The following PTGFRN variants were observed in gnomAD, a reference collection of about 807,000 sequenced individuals.
The protein encoded by PTGFRN is prostaglandin F2 receptor inhibitor.
PTGFRN carries 35 observed loss-of-function variants against 83.2 expected under a neutral mutation model. That is an observed-to-expected ratio of 0.42 (90% CI 0.32 to 0.56). The LOEUF is 0.56. Among genes scored for constraint, PTGFRN ranks in the 20% least tolerant of loss-of-function variants. The probability of loss-of-function intolerance (pLI) is 0.11; values close to 1 mark genes in which losing one functional copy is unlikely to be tolerated. For missense variants in PTGFRN, 1,051 were observed against 1,179.5 expected (o/e 0.89, Z 1.60); for synonymous variants, 519 against 498.6 (o/e 1.04, Z -0.55).
Position 116,961,338 on chromosome 1 carries a change from G to A in PTGFRN, c.1309G>A (p.Gly437Arg), listed in dbSNP as rs759528919. ...LACRVVDTKS[G>R]EANVRFTVSW... ...ATGCCGGGTGGTGGACACGAAGAGT[G>A]GGGAGGCGAATGTCCGATTCACGGT... Residue 437 changes from glycine (G) to arginine (R), a missense_variant, in exon 5 of 9, where the codon GGG becomes AGG. Physicochemically the swap from Gly to Arg is moderately radical, Grantham distance 125. Around this residue, in one of 3 missense-constraint regions of PTGFRN, gnomAD observed 719 missense variants for 836.6 expected, o/e 0.86. Transcript: ENST00000393203. This position sits in a 1 kb window ranked among gnomAD's most constrained non-coding sequence, Gnocchi z 5.4. 6.3e-7 allele frequency: 1 copy of A among 1,580,730 alleles called. No homozygotes were observed. The highest frequency in any genetic ancestry group is 2.2e-5 in the East Asian group (1 of 44,552).
intron 6 of PTGFRN, 71 bp downstream of exon 6, chr1:116,967,401 AT>A: frequency 6.9e-7 from 1 of 1,456,160 alleles, no homozygotes; most frequent in Non-Finnish European, 9.3e-7. Flanking sequence ...AGATGCCCTC[AT>A]TTTTTAAAAC....
chr1:116,980,646 A>G (rs1048938717), intron 7 of PTGFRN, among the ~76,000 whole-genome samples: 1 of 152,222 alleles, frequency 6.6e-6, no homozygotes, highest in Non-Finnish European at 1.5e-5. Flanking sequence ...ATAGGTGGGA[A>G]TTGAACAATG....
chr1:116,975,123 A>G (rs2101085924), intron 7 of PTGFRN, among the ~76,000 whole-genome samples: 1 of 152,324 alleles, frequency 6.6e-6, no homozygotes, highest in Non-Finnish European at 1.5e-5. Flanking sequence ...AGCCTCGCTC[A>G]TTGCTAGCAC....
chr1:116,976,294 ACT>A (rs1479253830), intron 7 of PTGFRN, among the ~76,000 whole-genome samples: 3 of 152,178 alleles, frequency 2.0e-5, no homozygotes, highest in South Asian at 4.1e-4. Flanking sequence ...GTTGGAAAAC[ACT>A]CTGCAGGATA....
chr1:116,985,234 G>A (rs2101093545), intron 8 of PTGFRN, among the ~76,000 whole-genome samples: 1 of 152,274 alleles, frequency 6.6e-6, no homozygotes, highest in South Asian at 2.1e-4. Context: ...AAATTTTCAA[G>A]GCTTTGCCTC....
chr1:116,979,542 A>C (rs1413805463), intron 7 of PTGFRN, among the ~76,000 whole-genome samples: 2 of 152,196 alleles, frequency 1.3e-5, no homozygotes, highest in Admixed American at 1.3e-4. Context: ...AATGGAAAAG[A>C]ACAGAGCCCT....
intron 1 of PTGFRN, among the ~76,000 whole-genome samples, chr1:116,926,050 C>T (rs1232777311): frequency 6.7e-6 from 1 of 148,328 alleles, no homozygotes; most frequent in African/African-American, 2.6e-5. Context: ...ACTGTGTCTA[C>T]AAATGAGAAG....
chr1:116,945,063 A>G lies in PTGFRN; in HGVS notation c.803A>G (p.Glu268Gly), dbSNP rs1451062671. 1 of 1,613,414 alleles carries G rather than the reference A, an allele frequency of 6.2e-7. No individual in the cohort carries two copies. Among genetic ancestry groups the G allele is most frequent in the African/African-American group, 1.3e-5 (1 of 75,050 alleles). ...NWQEIQEKAVEVATVVIQPSV... is the reference protein window; with the variant it reads ...NWQEIQEKAVGVATVVIQPSV... ...CAGGAAATCCAAGAAAAGGCCGTGG[A>G]AGTTGCCACCGTGGTGATCCAGCCA... Residue 268 changes from glutamate (E) to glycine (G), a missense_variant, in exon 3 of 9, where the codon GAA becomes GGA. By Grantham distance (98) the Glu-to-Gly change is moderately conservative. Coordinates refer to ENST00000393203, the MANE Select transcript of PTGFRN (RefSeq NM_020440.4).
intron 1 of PTGFRN, among the ~76,000 whole-genome samples, chr1:116,921,093 T>C (rs2250715): frequency 0.21 from 31,944 of 152,206 alleles, 7,674 homozygotes; most frequent in African/African-American, 0.59. Flanking sequence ...AGAAAGTCTA[T>C]GTGTTATAGA....
rs1307125384 is a variant in PTGFRN at position 116,942,031 on chromosome 1, C to G, written c.366C>G (p.Pro122=). The change falls in exon 2 of 9, where the codon CCC becomes CCG. Residue 122 remains proline, a synonymous_variant. Transcript: ENST00000393203. ...AAGGCCACTACAAATGTTCAACCCCCAGCACAGATGCCACTGTCCAGGGAA... is the reference window on the plus strand; with the variant it reads ...AAGGCCACTACAAATGTTCAACCCCGAGCACAGATGCCACTGTCCAGGGAA... ...SDQGHYKCST[P]STDATVQGNY... is the part of the protein sequence containing the mutation. 8 of 1,614,198 alleles carry G rather than the reference C, an allele frequency of 5.0e-6. No homozygotes were observed. Among genetic ancestry groups the G allele is most frequent in the Non-Finnish European group, 6.8e-6 (8 of 1,180,030 alleles).
chr1:116,961,697 T>C lies in PTGFRN; in HGVS notation c.1639+29T>C. On this transcript the variant is annotated intron_variant, in intron 5 of 8. Transcript: ENST00000393203. The surrounding 1 kb of genome is among the most constrained non-coding windows in gnomAD (Gnocchi z 5.4). ...GGAACTTTTTTCTTGTTATTCATTT[T>C]TGTTTTGTCTTTGCTTAAGTCGTGC... 1 of 1,580,456 alleles carries C rather than the reference T, an allele frequency of 6.3e-7. No homozygotes were observed. The highest frequency in any genetic ancestry group is 8.6e-7 in the Non-Finnish European group (1 of 1,163,128).
At chr1:116,968,752 C>T (rs939340564) in intron 6 of PTGFRN, among the ~76,000 whole-genome samples, 5 of 152,146 alleles carry the variant, frequency 3.3e-5, no homozygotes, top group Non-Finnish European at 7.4e-5. Context: ...TACTTTCTGT[C>T]TCTATAGATT....
intron 1 of PTGFRN, among the ~76,000 whole-genome samples, chr1:116,926,140 A>G (rs1471956403): frequency 1.3e-5 from 2 of 152,216 alleles, no homozygotes; most frequent in Non-Finnish European, 2.9e-5. Context: ...GAACAGTCAA[A>G]TAACGGGAGA....
At chr1:116,971,719 T>C (rs1041549666) in intron 6 of PTGFRN, among the ~76,000 whole-genome samples, 1 of 152,220 alleles carries the variant, frequency 6.6e-6, no homozygotes, top group Non-Finnish European at 1.5e-5. Context: ...ACAAATGCTC[T>C]GTTGATTCCC....
intron 4 of PTGFRN, among the ~76,000 whole-genome samples, chr1:116,957,151 CTGTGTGTGTGTG>C (rs57827917): frequency 6.8e-6 from 1 of 146,828 alleles, no homozygotes; most frequent in Non-Finnish European, 1.5e-5. Context: ...CGCTGGCTCG[CTGTGTGTGTGTG>C]TGTGTGTGTG....
At chr1:116,947,851 C>T (rs145142994) in intron 3 of PTGFRN, among the ~76,000 whole-genome samples, 23 of 152,196 alleles carry the variant, frequency 1.5e-4, no homozygotes, top group African/African-American at 4.1e-4. Flanking sequence ...AAGAGATGAT[C>T]GAGAGAAAGA....
chr1:116,926,435 TG>T (rs1184457692), intron 1 of PTGFRN, among the ~76,000 whole-genome samples: 3 of 152,222 alleles, frequency 2.0e-5, no homozygotes, highest in African/African-American at 7.2e-5. Flanking sequence ...ATAAACCTTG[TG>T]GATAGATCTT....
chr1:116,911,233 G>C (rs551117445), intron 1 of PTGFRN, among the ~76,000 whole-genome samples: 24 of 152,322 alleles, frequency 1.6e-4, no homozygotes, highest in African/African-American at 5.5e-4. Flanking sequence ...AGGACAAGAT[G>C]ATTCCTGTGA....
intron 4 of PTGFRN, among the ~76,000 whole-genome samples, chr1:116,951,136 T>C (rs1650336414): frequency 6.6e-6 from 1 of 152,078 alleles, no homozygotes. Context: ...TAATTGAAAG[T>C]GCTGCTTGCA....
Sources: allele counts gnomAD v4.1 joint callset (sites outside exome capture counted in the v4.1 genomes callset), GRCh38; gene constraint gnomAD v4.1.1; regional missense constraint gnomAD v4.1.1; non-coding constraint Gnocchi (gnomAD v3.1); transcripts MANE v1.5; gene names NCBI Gene and HGNC (gene_info 2026-07-23, HGNC 2026-07-21).